MGLL: variants seen among roughly 807,000 people sequenced by gnomAD.
MGLL encodes the protein lysophospholipase homolog.
MGLL carries 7 observed loss-of-function variants against 29.1 expected under a neutral mutation model. The observed-to-expected ratio is 0.24, with a 90% confidence interval of 0.14 to 0.45. MGLL has a LOEUF of 0.45. MGLL is among the 20% of genes least tolerant of loss of function. MGLL has a pLI of 0.99. For missense variants in MGLL, 356 were observed against 413.6 expected, an observed-to-expected ratio of 0.86 and a Z score of 1.21; for synonymous variants, 148 against 168.3, an observed-to-expected ratio of 0.88 and a Z score of 0.93.
intron 3 of MGLL, among the ~76,000 whole-genome samples, chr3:127,731,862 T>C (rs376468649): frequency 2.6e-4 from 40 of 152,368 alleles, no homozygotes; most frequent in African/African-American, 8.9e-4. Context: ...CATGTCTGTG[T>C]GTCTTACCAT....
At chr3:127,700,820 T>C (rs2075465122) in intron 6 of MGLL, among the ~76,000 whole-genome samples, 1 of 152,190 alleles carries the variant, frequency 6.6e-6, no homozygotes, top group African/African-American at 2.4e-5. Flanking sequence ...CGTGCACACG[T>C]GGAAAGCCCC....
At chr3:127,816,725 A>G (rs1393686570) in intron 2 of MGLL, among the ~76,000 whole-genome samples, 1 of 152,238 alleles carries the variant, frequency 6.6e-6, no homozygotes, top group African/African-American at 2.4e-5. Context: ...TGAAGGCTTC[A>G]TGGAGAAAGG....
At chr3:127,710,534 C>A in intron 6 of MGLL, 42 bp downstream of exon 6, 4 of 1,461,418 alleles carry the variant, frequency 2.7e-6, no homozygotes, top group Non-Finnish European at 2.8e-6. Flanking sequence ...CCCATGGGGG[C>A]AGCCACCCAA....
At chr3:127,693,091 G>A (rs2075278492) in intron 7 of MGLL, among the ~76,000 whole-genome samples, 2 of 152,176 alleles carry the variant, frequency 1.3e-5, no homozygotes, top group African/African-American at 4.8e-5. Context: ...TTCTGGCAGG[G>A]ACCTCCAGAC....
intron 3 of MGLL, among the ~76,000 whole-genome samples, chr3:127,765,849 T>C (rs2076846358): frequency 6.6e-6 from 1 of 151,936 alleles, no homozygotes; most frequent in Non-Finnish European, 1.5e-5. Flanking sequence ...TTCAGGGAAC[T>C]GAAAAAAAAA....
intron 3 of MGLL, among the ~76,000 whole-genome samples, chr3:127,767,426 T>C (rs961564624): frequency 3.9e-5 from 6 of 152,234 alleles, no homozygotes; most frequent in African/African-American, 1.4e-4. Context: ...CCATATTTCA[T>C]GGCTCGTGGC....
At position 127,719,997 on chromosome 3, in the gene MGLL, C is replaced by T. The variant is rs143701911; in HGVS notation, c.510+1056G>A. On this transcript the variant is annotated intron_variant, in intron 5 of 7. Coordinates refer to ENST00000265052, the MANE Select transcript of MGLL (RefSeq NM_007283.7). ...TTTCTGTTTTTAATTGAAAGCCTGT[C>T]TCTAGAGCCAGGAGCAAGTCTGTGG... Among the ~76,000 whole-genome samples, 154 of 152,302 alleles carry T rather than the reference C, an allele frequency of 1.0e-3. 1 individual carries two copies. The East Asian group carries it at 0.026, about 26-fold the overall frequency.
chr3:127,803,131 C>T (rs1461464973), intron 2 of MGLL, among the ~76,000 whole-genome samples: 1 of 152,150 alleles, frequency 6.6e-6, no homozygotes, highest in African/African-American at 2.4e-5. Flanking sequence ...AGGTGCGTCC[C>T]CTCACACCCA....
chr3:127,756,256 G>A (rs921636355), intron 3 of MGLL, among the ~76,000 whole-genome samples: 3 of 152,140 alleles, frequency 2.0e-5, no homozygotes, highest in African/African-American at 7.2e-5. Flanking sequence ...CTGATATTTT[G>A]GCATCTAGGG....
intron 2 of MGLL, among the ~76,000 whole-genome samples, chr3:127,782,678 G>C (rs1391492720): frequency 6.6e-6 from 1 of 152,198 alleles, no homozygotes; most frequent in Non-Finnish European, 1.5e-5. Flanking sequence ...GAGAGCTAGA[G>C]TCTCCTTCAG....
intron 3 of MGLL, among the ~76,000 whole-genome samples, chr3:127,739,834 A>G (rs1334443033): frequency 6.6e-6 from 1 of 152,180 alleles, no homozygotes; most frequent in African/African-American, 2.4e-5. Flanking sequence ...GCTTTCTACC[A>G]TCCTCCAAGT....
intron 2 of MGLL, among the ~76,000 whole-genome samples, chr3:127,808,196 T>G (rs570069355): frequency 1.3e-5 from 2 of 152,348 alleles, no homozygotes; most frequent in South Asian, 4.1e-4. Flanking sequence ...CAGAAAGTGA[T>G]TCCCATGCTT....
intron 3 of MGLL, among the ~76,000 whole-genome samples, chr3:127,740,905 C>T (rs983644959): frequency 1.3e-5 from 2 of 152,178 alleles, no homozygotes; most frequent in East Asian, 3.9e-4. Context: ...GAGTAGAACG[C>T]CCCCAAAGCA....
At chr3:127,799,877 T>C (rs2077447035) in intron 2 of MGLL, among the ~76,000 whole-genome samples, 4 of 152,268 alleles carry the variant, frequency 2.6e-5, no homozygotes, top group Non-Finnish European at 5.9e-5. Context: ...TATGGTAGAC[T>C]GCAAACTGAT....
chr3:127,731,515 A>G (rs1181340742), intron 3 of MGLL, among the ~76,000 whole-genome samples: 1 of 151,964 alleles, frequency 6.6e-6, no homozygotes, highest in East Asian at 1.9e-4. Context: ...CCACCCCATC[A>G]TGGATGGGAC....
chr3:127,763,068 C>A (rs72626378), intron 3 of MGLL, among the ~76,000 whole-genome samples: 21,703 of 152,224 alleles, frequency 0.14, 1,662 homozygotes, highest in East Asian at 0.27. Flanking sequence ...GTGATCCACC[C>A]TCCTTGAATG....
rs772501443 is a variant in MGLL at position 127,761,581 on chromosome 3, G to A, written c.262+20208C>T. Among the ~76,000 whole-genome samples the A allele has an allele frequency of 1.3e-5, 2 of 152,190 alleles. No homozygotes were observed. The highest frequency in any genetic ancestry group is 2.4e-5 in the African/African-American group (1 of 41,448). On this transcript the variant is annotated intron_variant, in intron 3 of 7. Coordinates refer to ENST00000265052, the MANE Select transcript of MGLL (RefSeq NM_007283.7). This position sits in a 1 kb window ranked among gnomAD's most constrained non-coding sequence, Gnocchi z 4.6. ...AAGTGCCTTCTGTGTGTGTGTCCAC[G>A]TGTTCCCCTAAGCGACTGGGCTACA...
chr3:127,810,875 C>T (rs1217194152), intron 2 of MGLL, among the ~76,000 whole-genome samples: 1 of 135,992 alleles, frequency 7.4e-6, no homozygotes, highest in Non-Finnish European at 1.5e-5. Context: ...ATTCTGACAT[C>T]CACAGCAACT....
At chr3:127,756,713 C>T (rs1262988510) in intron 3 of MGLL, among the ~76,000 whole-genome samples, 1 of 152,198 alleles carries the variant, frequency 6.6e-6, no homozygotes, top group Non-Finnish European at 1.5e-5. Flanking sequence ...AGAAATAAAC[C>T]TTTTTCTTGT....
Sources: gnomAD v4.1 joint callset for allele counts (sites outside exome capture counted in the v4.1 genomes callset) on GRCh38, gnomAD v4.1.1 for gene constraint, Gnocchi (gnomAD v3.1) non-coding constraint, MANE v1.5 for transcripts, NCBI Gene and HGNC (gene_info 2026-07-23, HGNC 2026-07-21) for gene names.